ISL1: variants seen among roughly 807,000 people sequenced by gnomAD.
ISL1 encodes the protein insulin gene enhancer protein ISL-1.
A neutral mutation model predicts 35.3 loss-of-function variants in ISL1; 4 were observed. The ratio of observed to expected loss-of-function variants is 0.11; its 90% CI spans 0.06 to 0.26. The LOEUF is 0.26. ISL1 is among the 10% of genes least tolerant of loss of function. ISL1 has a pLI of 1.00. For synonymous variants in ISL1, 186 were observed against 172.3 expected (o/e 1.08, Z -0.62); for missense variants, 340 against 472.8 (o/e 0.72, Z 2.60).
Position 51,393,769 on chromosome 5 carries a change from T to TC in ISL1, c.*159_*160insC. ...GAAGTCTGTTTTAATGACAAGGTGA[T>TC]ATGGTAGCAACACTGTGAAGACAAT... is the stretch of plus-strand genomic sequence containing the variant. On this transcript the variant is annotated 3_prime_UTR_variant, in exon 6 of 6. Transcript: ENST00000230658. The TC allele has an allele frequency of 1.5e-6, 1 of 680,738 alleles. No homozygotes were observed. Among genetic ancestry groups the TC allele is most frequent in the Non-Finnish European group, 2.7e-6 (1 of 374,320 alleles). The allele number at this position is 680,738 out of a possible 1,614,324, so 42.2% of individuals were successfully genotyped here.
intron 5 of ISL1, among the ~76,000 whole-genome samples, chr5:51,391,905 A>G (rs1399225684): frequency 6.6e-6 from 1 of 152,220 alleles, no homozygotes; most frequent in Non-Finnish European, 1.5e-5. Flanking sequence ...TATATAATCA[A>G]TGCTATAATA....
chr5:51,389,586 C>CGCGG lies in ISL1; in HGVS notation c.479-53_479-50dup. 1 of 1,394,326 alleles carries CGCGG rather than the reference C, an allele frequency of 7.2e-7. No individual in the cohort carries two copies. 86.4% of individuals were successfully genotyped at this position (1,394,326 alleles called of 1,614,324 possible). On this transcript the variant is annotated intron_variant, in intron 3 of 5. Transcript: ENST00000230658. This position sits in a 1 kb window ranked among gnomAD's most constrained non-coding sequence, Gnocchi z 5.0. ...GCGAGCGAGCGAGCGAGCGCGCGAC[C>CGCGG]GCGGGCGGGCCGGCAAGCGAGCCTC...
In ISL1 at chr5:51,383,620, C is replaced by A; in HGVS notation, c.-52C>A. ...TCCAGCATCCTCTCTGTGGGCTGTT[C>A]ACCAACTGTACAACCACCATTTCAC... On this transcript the variant is annotated 5_prime_UTR_variant, in exon 1 of 6. Coordinates refer to ENST00000230658, the MANE Select transcript of ISL1 (RefSeq NM_002202.3). The A allele has an allele frequency of 6.7e-7, 1 of 1,481,868 alleles. No individual in the cohort carries two copies. Among genetic ancestry groups the A allele is most frequent in the Non-Finnish European group, 9.4e-7 (1 of 1,059,290 alleles). The allele number at this position is 1,481,868 out of a possible 1,614,324, so 91.8% of individuals were successfully genotyped here. A position where few individuals can be genotyped will look rare whatever the true frequency, so the allele number is the denominator to read the frequency against.
chr5:51,384,403 T>TAAAAAAAA (rs61652519), intron 1 of ISL1, 138 bp from the exon 2 acceptor site: 9 of 585,020 alleles, frequency 1.5e-5, no homozygotes, highest in Admixed American at 3.6e-5. Context: ...TGCAATGCTC[T>TAAAAAAAA]AAAAAAAAAA....
At chr5:51,390,384 C>G (rs1747466178) in intron 4 of ISL1, among the ~76,000 whole-genome samples, 1 of 152,122 alleles carries the variant, frequency 6.6e-6, no homozygotes, top group African/African-American at 2.4e-5. Context: ...GGCAGGTCAC[C>G]CTGTGAGCCC....
rs768942903 is a variant in ISL1 at position 51,389,795 on chromosome 5, A to C, written c.628A>C (p.Met210Leu). ...YAANPRPDAL[M>L]KEQLVEMTGL... is the part of the protein sequence containing the mutation. The stretch of plus-strand genomic sequence containing the variant: ...CGCAAACCCGCGGCCAGATGCGCTC[A>C]TGAAGGAGCAACTGGTAGAGATGAC... The change falls in exon 4 of 6, where the codon ATG (methionine) becomes CTG (leucine). Residue 210 changes from methionine (M) to leucine (L), a missense_variant. Coordinates refer to ENST00000230658, the MANE Select transcript of ISL1 (RefSeq NM_002202.3). This position sits in a 1 kb window ranked among gnomAD's most constrained non-coding sequence, Gnocchi z 5.0. 5 of 1,614,210 alleles carry C rather than the reference A, an allele frequency of 3.1e-6. No homozygotes were observed. The highest frequency in any genetic ancestry group is 3.4e-6 in the Non-Finnish European group (4 of 1,180,028).
At chr5:51,392,781 G>A (rs942753275) in intron 5 of ISL1, among the ~76,000 whole-genome samples, 4 of 152,158 alleles carry the variant, frequency 2.6e-5, no homozygotes, top group African/African-American at 9.7e-5. Flanking sequence ...GCAGGAGTGG[G>A]CATAGTTAGA....
rs1438615361 is a variant in ISL1, at chr5:51,389,713, C to T, written c.546C>T (p.Thr182=). 6.2e-7 allele frequency: 1 copy of T among 1,613,962 alleles called. No individual in the cohort carries two copies. The highest frequency in any genetic ancestry group is 1.7e-5 in the Admixed American group (1 of 60,030). Residue 182 remains threonine, a synonymous_variant, in exon 4 of 6, where the codon ACC becomes ACT. Transcript: ENST00000230658. The surrounding 1 kb of genome is among the most constrained non-coding windows in gnomAD (Gnocchi z 5.0). ...PHVHKQPEKT[T]RVRTVLNEKQ... is the part of the protein sequence containing the mutation. ...TCCACAAGCAGCCGGAGAAGACCAC[C>T]CGCGTGCGGACTGTGCTGAACGAGA... is the stretch of plus-strand genomic sequence containing the variant.
chr5:51,390,056 G>A (rs1747453164), intron 4 of ISL1, 124 bp downstream of exon 4: 1 of 1,182,754 alleles, frequency 8.5e-7, no homozygotes, highest in Non-Finnish European at 1.2e-6. Flanking sequence ...TTTGGCCGGG[G>A]CTGCCCCTCA....
intron 2 of ISL1, among the ~76,000 whole-genome samples, chr5:51,385,592 C>T (rs201482684): frequency 2.6e-4 from 31 of 119,598 alleles, no homozygotes; most frequent in African/African-American, 8.7e-4. Context: ...TTTTTTTTTT[C>T]CTCCAATTTA....
At chr5:51,385,648 G>T (rs1286303652) in intron 2 of ISL1, among the ~76,000 whole-genome samples, 3 of 151,460 alleles carry the variant, frequency 2.0e-5, no homozygotes, top group Non-Finnish European at 4.4e-5. Flanking sequence ...TGACTTGTGT[G>T]TATGTATCAG....
At position 51,391,422 on chromosome 5, in the gene ISL1, A is replaced by G; in HGVS notation, c.914A>G (p.Gln305Arg). 1 of 1,614,210 alleles carries G rather than the reference A, an allele frequency of 6.2e-7. No homozygotes were observed. Among genetic ancestry groups the G allele is most frequent in the Non-Finnish European group, 8.5e-7 (1 of 1,180,040 alleles). The change falls in exon 5 of 6, where the codon CAG becomes CGG. Residue 305 changes from glutamine to arginine, a missense_variant. Around this residue, in one of 7 missense-constraint regions of ISL1, gnomAD observed 104 missense variants for 97.3 expected, o/e 1.07. Transcript: ENST00000230658. ...SDFALQSDID[Q>R]PAFQQLVNFS... is the part of the protein sequence containing the mutation. ...TTCGCCTTGCAGAGTGACATAGATC[A>G]GCCTGCTTTTCAGCAACTGGTAAGT...
chr5:51,394,056 A>C lies in ISL1; in HGVS notation c.*446A>C, dbSNP rs1237375524. On this transcript the variant is annotated 3_prime_UTR_variant, in exon 6 of 6. Transcript: ENST00000230658. The stretch of plus-strand genomic sequence containing the variant: ...CAAACAGGAGCTCCAGCAAAAGCGC[A>C]GGAAGAGAGACTGGCCTCCTTGGCT... 2.0e-5 allele frequency: 4 copies of C among 203,304 alleles called. No homozygotes were observed. The highest frequency in any genetic ancestry group is 1.4e-4 in the East Asian group (1 of 7,394). The allele number at this position is 203,304 out of a possible 1,614,324, so 12.6% of individuals were successfully genotyped here. A position where few individuals can be genotyped will look rare whatever the true frequency, so the allele number is the denominator to read the frequency against.
At chr5:51,388,879 C>T (rs1747416846) in intron 3 of ISL1, among the ~76,000 whole-genome samples, 1 of 152,094 alleles carries the variant, frequency 6.6e-6, no homozygotes, top group Admixed American at 6.5e-5. Context: ...GGACATCTCC[C>T]AGCCACCGTT....
Position 51,389,516 on chromosome 5 carries a change from G to C in ISL1, c.479-130G>C. ...CTGCAAACCCTAGCCATTGTCCTGAGTATCTCGGGCGGGCGAGCAAGTAAG... is the reference window on the plus strand; with the variant it reads ...CTGCAAACCCTAGCCATTGTCCTGACTATCTCGGGCGGGCGAGCAAGTAAG... On this transcript the variant is annotated intron_variant, in intron 3 of 5. Transcript: ENST00000230658. This position sits in a 1 kb window ranked among gnomAD's most constrained non-coding sequence, Gnocchi z 5.0. 2 of 778,242 alleles carry C rather than the reference G, an allele frequency of 2.6e-6. No homozygotes were observed. Among genetic ancestry groups the C allele is most frequent in the East Asian group, 3.4e-5 (1 of 29,352 alleles). 48.2% of individuals were successfully genotyped at this position (778,242 alleles called of 1,614,324 possible).
intron 2 of ISL1, chr5:51,386,522 C>T (rs1747346509): frequency 2.2e-6 from 1 of 451,514 alleles, no homozygotes; most frequent in Non-Finnish European, 4.4e-6. Context: ...CTCTCTCTTC[C>T]ATTCTTTCTG....
Position 51,387,827 on chromosome 5 carries a change from A to T in ISL1, c.478+78A>T. The stretch of plus-strand genomic sequence containing the variant: ...TGCCAGCGGCCACAACAACTATGGT[A>T]GCTACAGGGGTGGTCGTAGTGTTTG... On this transcript the variant is annotated intron_variant, in intron 3 of 5. Transcript: ENST00000230658. The surrounding 1 kb of genome is among the most constrained non-coding windows in gnomAD (Gnocchi z 4.3). The T allele has an allele frequency of 6.4e-7, 1 of 1,565,720 alleles. No homozygotes were observed. The highest frequency in any genetic ancestry group is 8.7e-7 in the Non-Finnish European group (1 of 1,148,886).
At chr5:51,390,470 A>G (rs1211146379) in intron 4 of ISL1, among the ~76,000 whole-genome samples, 2 of 151,932 alleles carry the variant, frequency 1.3e-5, no homozygotes, top group African/African-American at 4.8e-5. Flanking sequence ...GGTGACCCGC[A>G]TGCCCAGATC....
At chr5:51,386,495 G>C in intron 2 of ISL1, 1 of 446,324 alleles carries the variant, frequency 2.2e-6, no homozygotes, top group South Asian at 1.6e-5. Context: ...GCCTCCTCCT[G>C]TTATGTGGAT....
Sources: gnomAD v4.1 joint callset for allele counts (sites outside exome capture counted in the v4.1 genomes callset) on GRCh38, gnomAD v4.1.1 for gene constraint, gnomAD v4.1.1 regional missense constraint, Gnocchi (gnomAD v3.1) non-coding constraint, MANE v1.5 for transcripts, NCBI Gene and HGNC (gene_info 2026-07-23, HGNC 2026-07-21) for gene names.